Variants in TRAF3IP1 observed in about 807,000 individuals in gnomAD.
The protein encoded by TRAF3IP1 is intraflagellar transport 54.
TRAF3IP1 carries 53 observed loss-of-function variants against 89.9 expected under a neutral mutation model. The ratio of observed to expected loss-of-function variants is 0.59; its 90% CI spans 0.47 to 0.74. The LOEUF is 0.74. Ranked by LOEUF, TRAF3IP1 falls within the 30% of genes least tolerant of loss-of-function variation. The pLI, the probability that TRAF3IP1 is intolerant of heterozygous loss-of-function variation, is 0.00. For missense variants in TRAF3IP1, 806 were observed against 866.1 expected (o/e 0.93, Z 0.87); for synonymous variants, 311 against 322.1 (o/e 0.97, Z 0.37).
At chr2:238,389,078 C>A (rs1700891772) in intron 15 of TRAF3IP1, among the ~76,000 whole-genome samples, 1 of 152,090 alleles carries the variant, frequency 6.6e-6, no homozygotes, top group South Asian at 2.1e-4. Context: ...ATTGGGTTTG[C>A]TTAATGTCGG....
intron 3 of TRAF3IP1, among the ~76,000 whole-genome samples, chr2:238,327,115 A>G (rs577629716): frequency 8.5e-4 from 130 of 152,120 alleles, no homozygotes; most frequent in African/African-American, 3.1e-3. Flanking sequence ...CTCGTTTCCC[A>G]TATCTGAGCC....
rs937234130 is a variant in TRAF3IP1, at chr2:238,361,201, C to T, written c.1689+5121C>T. Among the ~76,000 whole-genome samples the T allele has an allele frequency of 4.0e-5, 6 of 151,882 alleles. No individual in the cohort carries two copies. In the East Asian group the frequency reaches 1.2e-3, roughly 30 times the overall value. On this transcript the variant is annotated intron_variant, in intron 15 of 16. Transcript: ENST00000373327. ...AGCTGGGACTACAGGCACACGCTACCACACCTGGCTAATTTTTGTATTTTT... is the reference window on the plus strand; with the variant it reads ...AGCTGGGACTACAGGCACACGCTACTACACCTGGCTAATTTTTGTATTTTT...
chr2:238,328,865 A>C, intron 4 of TRAF3IP1, 36 bp downstream of exon 4: 1 of 1,602,096 alleles, frequency 6.2e-7, no homozygotes, highest in Non-Finnish European at 8.5e-7. Context: ...AAAATGAAAT[A>C]GTGAGTCTTT....
In TRAF3IP1 at chr2:238,353,196, AGAG is replaced by A. The variant is rs778020883; in HGVS notation, c.1603_1605del (p.Glu535del). ...AGGTAACAGCAGTGGAACTAGAAGA[AGAG>A]GAGAAGCATGGTGAGTCCTGGGCAC... On this transcript the variant is annotated inframe_deletion, in exon 14 of 17. Coordinates refer to ENST00000373327, the MANE Select transcript of TRAF3IP1 (RefSeq NM_015650.4). 6.2e-7 allele frequency: 1 copy of A among 1,614,222 alleles called. No homozygotes were observed. Among genetic ancestry groups the A allele is most frequent in the South Asian group, 1.1e-5 (1 of 91,084 alleles).
At position 238,387,143 on chromosome 2, in the gene TRAF3IP1, C is replaced by T. The variant is rs567922319; in HGVS notation, c.1690-10316C>T. On this transcript the variant is annotated intron_variant, in intron 15 of 16. Transcript: ENST00000373327. ...AAAAGTTACCTAGTCCAAGATGATA[C>T]AGACAGTAAGTCCCAAAGGTAGGAG... Among the ~76,000 whole-genome samples, 148 of 152,318 alleles carry T rather than the reference C, an allele frequency of 9.7e-4. 2 individuals carry two copies. The highest frequency in any genetic ancestry group is 3.5e-3 in the African/African-American group (145 of 41,560).
At position 238,323,265 on chromosome 2, in the gene TRAF3IP1, G is replaced by A. The variant is rs142195108; in HGVS notation, c.124-2041G>A. On this transcript the variant is annotated intron_variant, in intron 1 of 16. Transcript: ENST00000373327. ...AGCTAATTTTTCTATTTTTAGTAGA[G>A]ATGGGGTTTCGCCATGTTGTCCGGC... Among the ~76,000 whole-genome samples the A allele has an allele frequency of 1.8e-3, 280 of 152,246 alleles. 3 individuals are homozygous for A. The highest frequency in any genetic ancestry group is 6.5e-3 in the African/African-American group (270 of 41,542).
chr2:238,373,419 G>A (rs1389940844), intron 15 of TRAF3IP1, among the ~76,000 whole-genome samples: 1 of 152,092 alleles, frequency 6.6e-6, no homozygotes, highest in Admixed American at 6.5e-5. Context: ...TTTTTGTCAG[G>A]TTTGTCAAAG....
intron 3 of TRAF3IP1, 108 bp downstream of exon 3, chr2:238,326,078 T>A: frequency 9.1e-7 from 1 of 1,092,912 alleles, no homozygotes; most frequent in Non-Finnish European, 1.3e-6. Context: ...GTTTCAGTGG[T>A]GTCTGTCAAA....
In TRAF3IP1 at chr2:238,345,260, G is replaced by C. The variant is rs980903750; in HGVS notation, c.1261+662G>C. Among the ~76,000 whole-genome samples, 1 of 150,676 alleles carries C rather than the reference G, an allele frequency of 6.6e-6. No individual in the cohort carries two copies. The highest frequency in any genetic ancestry group is 2.5e-5 in the African/African-American group (1 of 39,974). ...TACTGCATGTCAGCCCTGAGGCTGG[G>C]AGCGCATGAGCCAGTGAAGTCAGGC... is the stretch of plus-strand genomic sequence containing the variant. On this transcript the variant is annotated intron_variant, in intron 9 of 16. Coordinates refer to ENST00000373327, the MANE Select transcript of TRAF3IP1 (RefSeq NM_015650.4). This position sits in a 1 kb window ranked among gnomAD's most constrained non-coding sequence, Gnocchi z 4.7.
intron 2 of TRAF3IP1, 75 bp from the exon 3 acceptor site, chr2:238,325,734 C>T: frequency 7.1e-7 from 1 of 1,402,574 alleles, no homozygotes; most frequent in Non-Finnish European, 9.8e-7. Context: ...TATCCTATGC[C>T]TGGTAAACAT....
chr2:238,393,111 A>C (rs1174750345), intron 15 of TRAF3IP1, among the ~76,000 whole-genome samples: 1 of 152,250 alleles, frequency 6.6e-6, no homozygotes, highest in Non-Finnish European at 1.5e-5. Flanking sequence ...TTAGTTTTAT[A>C]GGAAACTGCC....
intron 7 of TRAF3IP1, among the ~76,000 whole-genome samples, 174 bp downstream of exon 7, chr2:238,334,209 G>A (rs558046542): frequency 1.6e-4 from 24 of 152,142 alleles, no homozygotes; most frequent in Admixed American, 1.4e-3. Flanking sequence ...ACATACACAT[G>A]CGTGTGTGCA....
In TRAF3IP1 at chr2:238,379,264, G is replaced by A. The variant is rs1455439417; in HGVS notation, c.1690-18195G>A. Among the ~76,000 whole-genome samples the A allele has an allele frequency of 6.6e-6, 1 of 152,184 alleles. No individual in the cohort carries two copies. The highest frequency in any genetic ancestry group is 2.4e-5 in the African/African-American group (1 of 41,440). ...CAGAGAGGCCTTTCCTGTCCACCTA[G>A]CTGTGTGGGGCCTCAGCCGCACACT... is the stretch of plus-strand genomic sequence containing the variant. On this transcript the variant is annotated intron_variant, in intron 15 of 16. Transcript: ENST00000373327. The surrounding 1 kb of genome is among the most constrained non-coding windows in gnomAD (Gnocchi z 4.0).
intron 15 of TRAF3IP1, among the ~76,000 whole-genome samples, chr2:238,357,401 A>G (rs990679713): frequency 3.3e-5 from 5 of 152,258 alleles, no homozygotes; most frequent in African/African-American, 4.8e-5. Context: ...GTGCACACAT[A>G]CGTACACACA....
At chr2:238,337,448 T>C (rs1376277105) in intron 7 of TRAF3IP1, among the ~76,000 whole-genome samples, 1 of 152,234 alleles carries the variant, frequency 6.6e-6, no homozygotes, top group African/African-American at 2.4e-5. Flanking sequence ...CCACAGCAGC[T>C]GTGTGGTTTA....
chr2:238,397,610 T>C lies in TRAF3IP1; in HGVS notation c.1841T>C (p.Met614Thr). The change falls in exon 16 of 17, where the codon ATG (methionine) becomes ACG (threonine). Residue 614 changes from methionine to threonine, a missense_variant. Physicochemically the swap from Met to Thr is moderately conservative, Grantham distance 81 (BLOSUM62 -1). This residue lies in a region of TRAF3IP1 where 732 missense variants were observed against 780.5 expected (regional missense o/e 0.94). Transcript: ENST00000373327. ...MDYIQEDVDA[M>T]QNELQMWHSE... ...TACATCCAGGAAGACGTGGATGCCA[T>C]GCAGAATGAGCTGCAGATGTGGCAC... 1 of 1,612,516 alleles carries C rather than the reference T, an allele frequency of 6.2e-7. No individual in the cohort carries two copies. Among genetic ancestry groups the C allele is most frequent in the Non-Finnish European group, 8.5e-7 (1 of 1,179,860 alleles).
intron 9 of TRAF3IP1, chr2:238,347,188 T>C (rs922015645): frequency 4.8e-6 from 2 of 415,728 alleles, no homozygotes; most frequent in Non-Finnish European, 8.6e-6. Flanking sequence ...TCCTCTCCGA[T>C]GTGCTTTCTC....
chr2:238,374,476 C>T (rs1359386331), intron 15 of TRAF3IP1, among the ~76,000 whole-genome samples: 1 of 152,136 alleles, frequency 6.6e-6, no homozygotes, highest in Non-Finnish European at 1.5e-5. Context: ...GGGATGAAGC[C>T]AACTTGACCA....
rs761241632 is a variant in TRAF3IP1, at chr2:238,337,125, T to G, written c.1064-1237T>G. 5.3e-5 allele frequency among the ~76,000 whole-genome samples: 8 copies of G among 152,240 alleles called. No homozygotes were observed. The South Asian group carries it at 1.5e-3, about 28-fold the overall frequency. On this transcript the variant is annotated intron_variant, in intron 7 of 16. Transcript: ENST00000373327. Reference sequence around the variant, plus strand: ...ACCCTGAGTCAATCACAGGCTTAAATTGTCCATTTGAGCCTTCCTTCACTG... The same window carrying G: ...ACCCTGAGTCAATCACAGGCTTAAAGTGTCCATTTGAGCCTTCCTTCACTG...
Sources: gnomAD v4.1 joint callset for allele counts (sites outside exome capture counted in the v4.1 genomes callset) on GRCh38, gnomAD v4.1.1 for gene constraint, gnomAD v4.1.1 regional missense constraint, Gnocchi (gnomAD v3.1) non-coding constraint, MANE v1.5 for transcripts, NCBI Gene and HGNC (gene_info 2026-07-23, HGNC 2026-07-21) for gene names.